Variants in SMYD3 observed in about 807,000 individuals in gnomAD.
The protein encoded by SMYD3 is histone-lysine N-methyltransferase SMYD3.
Under a neutral mutation model 57.7 loss-of-function variants are expected in SMYD3, and 36 were observed. The observed-to-expected ratio is 0.62, with a 90% confidence interval of 0.48 to 0.82. SMYD3 has a LOEUF of 0.82. SMYD3 is among the 40% of genes least tolerant of loss of function. The probability of loss-of-function intolerance (pLI) is 0.00; values close to 1 mark genes in which losing one functional copy is unlikely to be tolerated. For missense variants in SMYD3, 515 were observed against 538.8 expected, an observed-to-expected ratio of 0.96 and a Z score of 0.44; for synonymous variants, 211 against 195.0, an observed-to-expected ratio of 1.08 and a Z score of -0.68.
intron 5 of SMYD3, among the ~76,000 whole-genome samples, chr1:245,998,491 G>T (rs1030398016): frequency 6.6e-6 from 1 of 152,124 alleles, no homozygotes; most frequent in African/African-American, 2.4e-5. Flanking sequence ...CCCATTAGGA[G>T]GGCTATTACA....
intron 10 of SMYD3, among the ~76,000 whole-genome samples, chr1:245,784,943 G>A (rs1323207845): frequency 6.8e-6 from 1 of 147,680 alleles, no homozygotes; most frequent in East Asian, 2.0e-4. Flanking sequence ...TCCGCCTCCC[G>A]GGTTCAAGGG....
chr1:246,192,333 A>G (rs139773390), intron 5 of SMYD3, among the ~76,000 whole-genome samples: 254 of 152,320 alleles, frequency 1.7e-3, no homozygotes, highest in African/African-American at 5.9e-3. Flanking sequence ...AGAAATTGGC[A>G]AAAAGAAAGG....
chr1:246,101,064 GTTTTTTGTTTTTTTTTT>G lies in SMYD3; in HGVS notation c.532-171144_532-171128del, dbSNP rs1488736216. Reference sequence around the variant, plus strand: ...TCACTAGTAATATGTATTTTTAGGGGTTTTTTGTTTTTTTTTTTTTTTTTTTTTTTTTTTTTACAGAG... The same window carrying G: ...TCACTAGTAATATGTATTTTTAGGGGTTTTTTTTTTTTTTTTTTTACAGAG... On this transcript the variant is annotated intron_variant, in intron 5 of 11. Transcript: ENST00000490107. 9.0e-4 allele frequency among the ~76,000 whole-genome samples: 71 copies of G among 78,596 alleles called. No individual in the cohort carries two copies. In the South Asian group the frequency reaches 0.022, roughly 24 times the overall value. 51.6% of individuals were successfully genotyped at this position (78,596 alleles called of 152,430 possible).
At chr1:246,082,749 G>A (rs1201189502) in intron 5 of SMYD3, among the ~76,000 whole-genome samples, 2 of 152,046 alleles carry the variant, frequency 1.3e-5, no homozygotes, top group Admixed American at 1.3e-4. Flanking sequence ...AGACATAAGA[G>A]ACTCCATTTT....
chr1:245,775,439 T>G (rs1158134532), intron 10 of SMYD3, among the ~76,000 whole-genome samples: 14 of 151,760 alleles, frequency 9.2e-5, no homozygotes, highest in Non-Finnish European at 1.6e-4. Context: ...CTGAAACATG[T>G]GCTGTGTCAA....
chr1:246,369,693 AT>A (rs2066163483), intron 1 of SMYD3, among the ~76,000 whole-genome samples: 1 of 151,804 alleles, frequency 6.6e-6, no homozygotes, highest in Non-Finnish European at 1.5e-5. Context: ...CACTTGGCTA[AT>A]TTTTTAAATT....
intron 10 of SMYD3, among the ~76,000 whole-genome samples, chr1:245,851,246 T>C (rs1332846715): frequency 6.6e-6 from 1 of 152,198 alleles, no homozygotes; most frequent in Non-Finnish European, 1.5e-5. Context: ...TTGAAGGCTA[T>C]CTGTAAGCTC....
At chr1:246,069,091 C>T (rs191506777) in intron 5 of SMYD3, among the ~76,000 whole-genome samples, 41 of 152,262 alleles carry the variant, frequency 2.7e-4, no homozygotes, top group African/African-American at 8.7e-4. Flanking sequence ...TAGATTCTCT[C>T]CAATTTTGAG....
intron 5 of SMYD3, among the ~76,000 whole-genome samples, chr1:246,167,805 C>G (rs964419057): frequency 6.6e-6 from 1 of 152,138 alleles, no homozygotes; most frequent in Non-Finnish European, 1.5e-5. Context: ...GCCACCACGC[C>G]CAGCCTCATT....
intron 1 of SMYD3, among the ~76,000 whole-genome samples, chr1:246,374,849 T>A (rs557976347): frequency 4.2e-4 from 59 of 138,882 alleles, no homozygotes; most frequent in African/African-American, 1.6e-3. Flanking sequence ...TCCCAGCAGT[T>A]TGGGGGGCCG....
intron 5 of SMYD3, among the ~76,000 whole-genome samples, chr1:246,027,174 A>G (rs866576719): frequency 2.6e-5 from 4 of 152,204 alleles, no homozygotes; most frequent in Non-Finnish European, 4.4e-5. Context: ...GAAACGGTGG[A>G]AAGTAGCAGA....
rs999663310 is a variant in SMYD3 at position 245,839,590 on chromosome 1, G to T, written c.1076+18906C>A. Among the ~76,000 whole-genome samples, 3 of 152,074 alleles carry T rather than the reference G, an allele frequency of 2.0e-5. No homozygotes were observed. In the East Asian group the frequency reaches 5.8e-4, roughly 29 times the overall value. On this transcript the variant is annotated intron_variant, in intron 10 of 11. Coordinates refer to ENST00000490107, the MANE Select transcript of SMYD3 (RefSeq NM_001167740.2). The stretch of plus-strand genomic sequence containing the variant: ...AAGGAGCATAGTTTTCTGGGGGAGG[G>T]TAATTAAAATGTTCCGAAATTGATT...
At chr1:246,177,732 A>G (rs545714303) in intron 5 of SMYD3, among the ~76,000 whole-genome samples, 4 of 152,360 alleles carry the variant, frequency 2.6e-5, no homozygotes, top group African/African-American at 9.6e-5. Context: ...GATGGAAGAC[A>G]TAAGCAAAAC....
chr1:246,142,807 C>G (rs1184380692), intron 5 of SMYD3, among the ~76,000 whole-genome samples: 1 of 152,158 alleles, frequency 6.6e-6, no homozygotes, highest in African/African-American at 2.4e-5. Flanking sequence ...AAGTATATTG[C>G]TCTTTTCTGG....
chr1:246,101,816 T>C (rs183303241), intron 5 of SMYD3, among the ~76,000 whole-genome samples: 48 of 152,352 alleles, frequency 3.2e-4, no homozygotes, highest in Admixed American at 1.2e-3. Flanking sequence ...GACACATAAA[T>C]TGCCTCTTTC....
chr1:246,499,915 AG>A (rs2068431661), intron 1 of SMYD3, among the ~76,000 whole-genome samples: 2 of 152,216 alleles, frequency 1.3e-5, no homozygotes, highest in African/African-American at 4.8e-5. Context: ...AAAAGGATAA[AG>A]GGGTCCTGAG....
chr1:245,764,552 T>C (rs1024657091), intron 10 of SMYD3, among the ~76,000 whole-genome samples: 4 of 152,104 alleles, frequency 2.6e-5, no homozygotes, highest in African/African-American at 7.2e-5. Context: ...TGCCTCTCAA[T>C]ATATATTTGT....
rs573860101 is a variant in SMYD3, at chr1:246,097,829, T to A, written c.532-167892A>T. ...CTGCATCAGCCTTCCTTAGTGACAA[T>A]CTTAAATCTAGTTGGTTTTCTTTGA... On this transcript the variant is annotated intron_variant, in intron 5 of 11. Coordinates refer to ENST00000490107, the MANE Select transcript of SMYD3 (RefSeq NM_001167740.2). 6.6e-5 allele frequency among the ~76,000 whole-genome samples: 10 copies of A among 152,324 alleles called. No individual in the cohort carries two copies. The South Asian group carries it at 2.1e-3, about 32-fold the overall frequency.
intron 1 of SMYD3, among the ~76,000 whole-genome samples, chr1:246,421,606 A>C (rs2067143811): frequency 6.6e-6 from 1 of 152,214 alleles, no homozygotes; most frequent in Non-Finnish European, 1.5e-5. Context: ...AAGAAAAAAC[A>C]GAAAAAGACT....
Sources: allele counts gnomAD v4.1 joint callset (sites outside exome capture counted in the v4.1 genomes callset), GRCh38; gene constraint gnomAD v4.1.1; transcripts MANE v1.5; gene names NCBI Gene and HGNC (gene_info 2026-07-23, HGNC 2026-07-21).